Variants in ARHGAP6 observed in about 807,000 individuals in gnomAD.
ARHGAP6 encodes rho GTPase-activating protein 6.
In ARHGAP6, 16 loss-of-function variants were observed where a neutral mutation model predicts 55.7. That is an observed-to-expected ratio of 0.29 (90% CI 0.19 to 0.44). The LOEUF (loss-of-function observed/expected upper bound fraction) is 0.44. Among genes scored for constraint, ARHGAP6 ranks in the 20% least tolerant of loss-of-function variants. ARHGAP6 has a pLI of 1.00. For missense variants in ARHGAP6, 698 were observed against 808.9 expected, an observed-to-expected ratio of 0.86 and a Z score of 1.66; for synonymous variants, 382 against 360.9, an observed-to-expected ratio of 1.06 and a Z score of -0.66.
intron 1 of ARHGAP6, among the ~76,000 whole-genome samples, chrX:11,561,423 T>C: frequency 8.9e-6 from 1 of 111,862 alleles, no homozygotes; most frequent in Non-Finnish European, 1.9e-5. Flanking sequence ...ACGTGCATGC[T>C]TATAAATGCA....
At chrX:11,214,766 G>A (rs2046855149) in intron 2 of ARHGAP6, among the ~76,000 whole-genome samples, 1 of 113,366 alleles carries the variant, frequency 8.8e-6, no homozygotes, top group African/African-American at 3.2e-5. Context: ...GGGCAGGCAG[G>A]CTGGCTGCTC....
intron 1 of ARHGAP6, among the ~76,000 whole-genome samples, chrX:11,525,702 A>T (rs1373097668): frequency 8.9e-6 from 1 of 112,191 alleles, no homozygotes; most frequent in East Asian, 2.8e-4. Context: ...CCAAATAAAG[A>T]TGCTAGGAGT....
At chrX:11,624,847 G>T (rs1479091012) in intron 1 of ARHGAP6, among the ~76,000 whole-genome samples, 1 of 111,928 alleles carries the variant, frequency 8.9e-6, no homozygotes, top group African/African-American at 3.2e-5. Context: ...CACCATGCCT[G>T]GCCAAAGATC....
At chrX:11,413,083 T>C (rs2049706256) in intron 1 of ARHGAP6, among the ~76,000 whole-genome samples, 1 of 112,155 alleles carries the variant, frequency 8.9e-6, no homozygotes, top group African/African-American at 3.2e-5. Flanking sequence ...CTGGGGTCAT[T>C]TGATTTCCAC....
chrX:11,549,433 CAACAAA>C (rs1194024020), intron 1 of ARHGAP6, among the ~76,000 whole-genome samples: 309 of 112,026 alleles, frequency 2.8e-3, no homozygotes, highest in African/African-American at 9.2e-3. Context: ...AACTCAACAA[CAACAAA>C]AACAAATAGG....
chrX:11,450,595 G>A (rs1000377173), intron 1 of ARHGAP6, among the ~76,000 whole-genome samples: 6 of 111,284 alleles, frequency 5.4e-5, no homozygotes, highest in Admixed American at 1.9e-4. Flanking sequence ...AGAAGTCACA[G>A]AAAACTCACC....
intron 1 of ARHGAP6, among the ~76,000 whole-genome samples, chrX:11,410,421 C>G (rs762632573): frequency 8.9e-6 from 1 of 112,283 alleles, no homozygotes. Flanking sequence ...CAAGAACAGG[C>G]AAATCTAGAG....
At chrX:11,446,089 T>A (rs745449027) in intron 1 of ARHGAP6, among the ~76,000 whole-genome samples, 2 of 112,155 alleles carry the variant, frequency 1.8e-5, no homozygotes, top group Non-Finnish European at 3.8e-5. Flanking sequence ...CATTTCTCAA[T>A]AAACTAACTT....
At chrX:11,497,860 T>G (rs2050639277) in intron 1 of ARHGAP6, among the ~76,000 whole-genome samples, 1 of 110,422 alleles carries the variant, frequency 9.1e-6, no homozygotes, top group Non-Finnish European at 1.9e-5. Flanking sequence ...CTTTTTTCAC[T>G]TTAACACACC....
At chrX:11,605,463 G>A (rs1234433164) in intron 1 of ARHGAP6, among the ~76,000 whole-genome samples, 1 of 111,414 alleles carries the variant, frequency 9.0e-6, no homozygotes, top group Non-Finnish European at 1.9e-5. Flanking sequence ...AAGAAGAACA[G>A]GGGGAGTGGC....
At chrX:11,652,258 G>A (rs1238320301) in intron 1 of ARHGAP6, among the ~76,000 whole-genome samples, 1 of 111,709 alleles carries the variant, frequency 9.0e-6, no homozygotes, top group Non-Finnish European at 1.9e-5. Flanking sequence ...TACAGTGTTC[G>A]GTTTTACATT....
At chrX:11,575,051 C>G (rs1487492934) in intron 1 of ARHGAP6, among the ~76,000 whole-genome samples, 1 of 111,956 alleles carries the variant, frequency 8.9e-6, no homozygotes, top group African/African-American at 3.2e-5. Context: ...TTGTGCTAAG[C>G]CAGAGTTCAC....
chrX:11,160,456 C>CAA (rs558867795), intron 9 of ARHGAP6, among the ~76,000 whole-genome samples: 34 of 75,474 alleles, frequency 4.5e-4, no homozygotes, highest in Middle Eastern at 7.2e-3. Context: ...GACTCTGTCT[C>CAA]AAAAAAAAAA....
intron 1 of ARHGAP6, among the ~76,000 whole-genome samples, chrX:11,497,331 AGAGT>A (rs2147853955): frequency 8.9e-6 from 1 of 112,095 alleles, no homozygotes; most frequent in East Asian, 2.8e-4. Flanking sequence ...CAGTAAAATT[AGAGT>A]AAGTCAACAC....
chrX:11,275,303 A>G (rs926840021), intron 1 of ARHGAP6, among the ~76,000 whole-genome samples: 7 of 112,166 alleles, frequency 6.2e-5, no homozygotes, highest in African/African-American at 2.3e-4. Context: ...AAGGGTACGT[A>G]TGCAAATGCA....
intron 1 of ARHGAP6, chrX:11,335,632 C>G (rs140211642): frequency 5.6e-4 from 148 of 264,885 alleles, no homozygotes; most frequent in African/African-American, 3.7e-3. Flanking sequence ...TGATGGACAT[C>G]TGGGTTGGTT....
intron 1 of ARHGAP6, among the ~76,000 whole-genome samples, chrX:11,448,043 A>G (rs2050109490): frequency 8.9e-6 from 1 of 112,549 alleles, no homozygotes; most frequent in Admixed American, 9.4e-5. Flanking sequence ...AGAACAAAGG[A>G]GTACAAGAAG....
chrX:11,514,421 G>A (rs1204886844), intron 1 of ARHGAP6, among the ~76,000 whole-genome samples: 1 of 109,970 alleles, frequency 9.1e-6, no homozygotes, highest in Non-Finnish European at 1.9e-5. Context: ...TGTCGTGGGG[G>A]AATATCCTCT....
At chrX:11,398,595 T>C (rs1012071673) in intron 1 of ARHGAP6, among the ~76,000 whole-genome samples, 25 of 112,105 alleles carry the variant, frequency 2.2e-4, no homozygotes, top group African/African-American at 7.4e-4. Flanking sequence ...GACATATTTA[T>C]ATTAGGTAAT....
Sources: allele counts gnomAD v4.1 joint callset (sites outside exome capture counted in the v4.1 genomes callset), GRCh38; gene constraint gnomAD v4.1.1; transcripts MANE v1.5; gene names NCBI Gene and HGNC (gene_info 2026-07-23, HGNC 2026-07-21).